Variants in SLC7A5 observed in about 807,000 individuals in gnomAD.
The protein encoded by SLC7A5 is solute carrier family 7 member 5, also known as large neutral amino acids transporter small subunit 1.
Under a neutral mutation model 50.2 loss-of-function variants are expected in SLC7A5, and 23 were observed. That is an observed-to-expected ratio of 0.46 (90% confidence interval 0.33 to 0.65). SLC7A5 has a LOEUF of 0.65. Ranked by LOEUF, SLC7A5 falls within the 30% of genes least tolerant of loss-of-function variation. SLC7A5 has a pLI of 0.02. For synonymous variants in SLC7A5, 393 were observed against 330.6 expected (o/e 1.19, Z -2.05); for missense variants, 578 against 684.4 (o/e 0.84, Z 1.73).
At chr16:87,839,991 G>C (rs61613720) in intron 4 of SLC7A5, among the ~76,000 whole-genome samples, 166 bp from the exon 5 acceptor site, 2,711 of 152,316 alleles carry the variant, frequency 0.018, 64 homozygotes, top group African/African-American at 0.062. Context: ...GCGGCAGGAG[G>C]CTGTGCCTGG....
In SLC7A5 at chr16:87,852,636, CTCTGTG is replaced by C. The variant is rs1404009420; in HGVS notation, c.539-793_539-788del. ...CCCTGTAAGGCACCCAGCTCTGAGC[CTCTGTG>C]TGTGTGTGTGTGTGTGTGTGTGTGT... is the stretch of plus-strand genomic sequence containing the variant. On this transcript the variant is annotated intron_variant, in intron 1 of 9. Coordinates refer to ENST00000261622, the MANE Select transcript of SLC7A5 (RefSeq NM_003486.7). This position sits in a 1 kb window ranked among gnomAD's most constrained non-coding sequence, Gnocchi z 4.5. Among the ~76,000 whole-genome samples, 73 of 97,500 alleles carry C rather than the reference CTCTGTG, an allele frequency of 7.5e-4. No individual in the cohort carries two copies. The highest frequency in any genetic ancestry group is 2.6e-3 in the African/African-American group (69 of 26,698). The allele number at this position is 97,500 out of a possible 152,430, so 64.0% of individuals were successfully genotyped here. A position where few individuals can be genotyped will look rare whatever the true frequency, so the allele number is the denominator to read the frequency against.
At chr16:87,867,038 G>C (rs956875181) in intron 1 of SLC7A5, among the ~76,000 whole-genome samples, 2 of 151,662 alleles carry the variant, frequency 1.3e-5, no homozygotes, top group Non-Finnish European at 2.9e-5. Flanking sequence ...GCATGCCTCA[G>C]ACTCATAAGC....
intron 1 of SLC7A5, among the ~76,000 whole-genome samples, chr16:87,864,445 G>T (rs1372574537): frequency 6.6e-6 from 1 of 152,094 alleles, no homozygotes; most frequent in Non-Finnish European, 1.5e-5. Context: ...GCTCCAGGCT[G>T]CCCCCTGCAC....
At chr16:87,868,345 C>T (rs190552039) in intron 1 of SLC7A5, among the ~76,000 whole-genome samples, 8 of 152,228 alleles carry the variant, frequency 5.3e-5, no homozygotes, top group African/African-American at 1.9e-4. Flanking sequence ...ATCCCTTAGC[C>T]TAAATCAGCA....
In SLC7A5 at chr16:87,869,212, T is replaced by C. The variant is rs542147599; in HGVS notation, c.211A>G (p.Thr71Ala). ...GCCTCCTTGAGCACGCCCGTGGGCG[T>C]CACGAAGATGCCCGAGCCGATAATG... is the stretch of plus-strand genomic sequence containing the variant. ...GTIIGSGIFVTPTGVLKEAGS... is the reference protein window; with the variant it reads ...GTIIGSGIFVAPTGVLKEAGS... Residue 71 changes from threonine to alanine, a missense_variant, in exon 1 of 10, where the codon ACG becomes GCG. Thr to Ala is a moderately conservative substitution (Grantham distance 58). Transcript: ENST00000261622. 103 of 1,612,422 alleles carry C rather than the reference T, an allele frequency of 6.4e-5. 1 individual carries two copies. The South Asian group carries it at 1.0e-3, about 16-fold the overall frequency.
intron 1 of SLC7A5, among the ~76,000 whole-genome samples, chr16:87,856,693 T>G (rs983244720): frequency 2.6e-5 from 4 of 152,214 alleles, no homozygotes; most frequent in African/African-American, 9.6e-5. Context: ...GGCTGCCCAG[T>G]GCACATGGGG....
intron 1 of SLC7A5, among the ~76,000 whole-genome samples, chr16:87,854,782 T>G (rs551433154): frequency 8.5e-5 from 13 of 152,362 alleles, no homozygotes; most frequent in African/African-American, 3.1e-4. Flanking sequence ...TCTGGGGTGC[T>G]GTCTTCCCCG....
chr16:87,842,910 A>T (rs907483180), intron 2 of SLC7A5, among the ~76,000 whole-genome samples: 2 of 152,046 alleles, frequency 1.3e-5, no homozygotes, highest in African/African-American at 4.8e-5. Context: ...TCTCTGATGG[A>T]ATGTTCTGGA....
Position 87,856,984 on chromosome 16 carries a change from T to C in SLC7A5, c.539-5135A>G, listed in dbSNP as rs577078154. On this transcript the variant is annotated intron_variant, in intron 1 of 9. Transcript: ENST00000261622. ...AGCGCCCCCAGCACAGGCGCGTGCT[T>C]CCCTGATGGACACGTCACCGCCCCG... Among the ~76,000 whole-genome samples, 4 of 147,818 alleles carry C rather than the reference T, an allele frequency of 2.7e-5. No homozygotes were observed. The East Asian group carries it at 5.8e-4, about 21-fold the overall frequency.
intron 1 of SLC7A5, among the ~76,000 whole-genome samples, chr16:87,866,299 G>C (rs1449005268): frequency 6.6e-6 from 1 of 152,220 alleles, no homozygotes; most frequent in Middle Eastern, 3.4e-3. Flanking sequence ...AAGCAGCTCC[G>C]GAAGCATACA....
At chr16:87,868,443 G>A (rs1343473440) in intron 1 of SLC7A5, among the ~76,000 whole-genome samples, 1 of 152,220 alleles carries the variant, frequency 6.6e-6, no homozygotes, top group Non-Finnish European at 1.5e-5. Context: ...GGTGTGGAGA[G>A]CAGAAATGAA....
chr16:87,860,630 C>T lies in SLC7A5; in HGVS notation c.538+8255G>A, dbSNP rs767710115. Among the ~76,000 whole-genome samples the T allele has an allele frequency of 5.3e-5, 8 of 152,158 alleles. No homozygotes were observed. Among genetic ancestry groups the T allele is most frequent in the Non-Finnish European group, 8.8e-5 (6 of 68,036 alleles). ...AGGCCTTGGTCCTCACATTTGACTCCGGATAAATCTCTTCAAACATTTTAC... is the reference window on the plus strand; with the variant it reads ...AGGCCTTGGTCCTCACATTTGACTCTGGATAAATCTCTTCAAACATTTTAC... On this transcript the variant is annotated intron_variant, in intron 1 of 9. Coordinates refer to ENST00000261622, the MANE Select transcript of SLC7A5 (RefSeq NM_003486.7). The surrounding 1 kb of genome is among the most constrained non-coding windows in gnomAD (Gnocchi z 4.8).
chr16:87,853,736 G>A lies in SLC7A5; in HGVS notation c.539-1887C>T, dbSNP rs900816021. On this transcript the variant is annotated intron_variant, in intron 1 of 9. Transcript: ENST00000261622. The surrounding 1 kb of genome is among the most constrained non-coding windows in gnomAD (Gnocchi z 4.4). ...GAGCTTTCTGGATTCGCAAGAGGCC[G>A]GCTGATTGCATCACTCGCTCATTCA... 2.0e-5 allele frequency among the ~76,000 whole-genome samples: 3 copies of A among 152,170 alleles called. No homozygotes were observed. The highest frequency in any genetic ancestry group is 1.9e-4 in the East Asian group (1 of 5,170).
At position 87,860,278 on chromosome 16, in the gene SLC7A5, A is replaced by C. The variant is rs1458290921; in HGVS notation, c.539-8429T>G. ...AACCCAGGAGGCGGAGGTTGCAGTG[A>C]ACTGAGATCATACCACTGCACTCCA... is the stretch of plus-strand genomic sequence containing the variant. On this transcript the variant is annotated intron_variant, in intron 1 of 9. Transcript: ENST00000261622. The surrounding 1 kb of genome is among the most constrained non-coding windows in gnomAD (Gnocchi z 4.8). Among the ~76,000 whole-genome samples the C allele has an allele frequency of 1.3e-5, 2 of 150,052 alleles. No individual in the cohort carries two copies. The highest frequency in any genetic ancestry group is 4.9e-5 in the African/African-American group (2 of 40,650).
At chr16:87,863,029 T>C (rs955047721) in intron 1 of SLC7A5, among the ~76,000 whole-genome samples, 2 of 152,204 alleles carry the variant, frequency 1.3e-5, no homozygotes, top group African/African-American at 4.8e-5. Flanking sequence ...CGCCTGGGAC[T>C]GTCTCAGCAG....
Position 87,832,959 on chromosome 16 carries a change from C to A in SLC7A5, c.*11G>T. 6.2e-7 allele frequency: 1 copy of A among 1,611,388 alleles called. No homozygotes were observed. Among genetic ancestry groups the A allele is most frequent in the Non-Finnish European group, 8.5e-7 (1 of 1,177,690 alleles). On this transcript the variant is annotated 3_prime_UTR_variant, in exon 10 of 10. Coordinates refer to ENST00000261622, the MANE Select transcript of SLC7A5 (RefSeq NM_003486.7). This position sits in a 1 kb window ranked among gnomAD's most constrained non-coding sequence, Gnocchi z 4.6. ...TGCGCATGCTCCTCCGGCAGCCACTCGGCCTCCTGGCTATGTCTCCTGGGG... is the reference window on the plus strand; with the variant it reads ...TGCGCATGCTCCTCCGGCAGCCACTAGGCCTCCTGGCTATGTCTCCTGGGG...
intron 1 of SLC7A5, among the ~76,000 whole-genome samples, chr16:87,856,185 C>A (rs1395509676): frequency 2.0e-5 from 3 of 152,232 alleles, no homozygotes; most frequent in Non-Finnish European, 2.9e-5. Context: ...TCCTGCCAGG[C>A]CCCCGAGGAC....
chr16:87,834,344 G>A lies in SLC7A5; in HGVS notation c.1468+70C>T, dbSNP rs192971301. On this transcript the variant is annotated intron_variant, in intron 9 of 9. Transcript: ENST00000261622. ...TCGCCCCATGTGGGTGGAGACGGCC[G>A]ACGCCTCTCAACTCCCTTCGCTGCC... 680 of 1,485,514 alleles carry A rather than the reference G, an allele frequency of 4.6e-4. No individual in the cohort carries two copies. In the African/African-American group the frequency reaches 8.5e-3, roughly 19 times the overall value. The allele number at this position is 1,485,514 out of a possible 1,614,324, so 92.0% of individuals were successfully genotyped here.
At chr16:87,846,772 C>G (rs922042960) in intron 2 of SLC7A5, among the ~76,000 whole-genome samples, 1 of 152,352 alleles carries the variant, frequency 6.6e-6, no homozygotes. Context: ...CCCACCCAGG[C>G]CTGCTCCGCT....
Sources: gnomAD v4.1 joint callset for allele counts (sites outside exome capture counted in the v4.1 genomes callset) on GRCh38, gnomAD v4.1.1 for gene constraint, Gnocchi (gnomAD v3.1) non-coding constraint, MANE v1.5 for transcripts, NCBI Gene and HGNC (gene_info 2026-07-23, HGNC 2026-07-21) for gene names.